PPARD: variants seen among roughly 807,000 people sequenced by gnomAD.
PPARD encodes peroxisome proliferator activated receptor delta.
In PPARD, 6 loss-of-function variants were observed where a neutral mutation model predicts 39.5. The observed-to-expected ratio is 0.15, with a 90% CI of 0.08 to 0.30. The LOEUF (loss-of-function observed/expected upper bound fraction) is 0.30. PPARD is among the 10% of genes least tolerant of loss of function. The probability of loss-of-function intolerance (pLI) is 1.00; values close to 1 mark genes in which losing one functional copy is unlikely to be tolerated. For synonymous variants in PPARD, 210 were observed against 231.3 expected (o/e 0.91, Z 0.83); for missense variants, 397 against 596.8 (o/e 0.67, Z 3.49).
intron 2 of PPARD, among the ~76,000 whole-genome samples, chr6:35,408,987 G>T (rs1380966016): frequency 6.6e-6 from 1 of 152,060 alleles, no homozygotes; most frequent in Non-Finnish European, 1.5e-5. Context: ...CATTCATTTA[G>T]TTGTGTCTCT....
intron 2 of PPARD, among the ~76,000 whole-genome samples, chr6:35,379,343 C>T (rs1448195319): frequency 6.6e-6 from 1 of 152,152 alleles, no homozygotes; most frequent in East Asian, 1.9e-4. Flanking sequence ...ACCTTGTGGT[C>T]TGCCCACCTT....
intron 5 of PPARD, among the ~76,000 whole-genome samples, chr6:35,423,540 AAAAAAGAAAAG>A (rs1403063860): frequency 6.6e-6 from 1 of 152,008 alleles, no homozygotes; most frequent in Non-Finnish European, 1.5e-5. Context: ...CTCAAAAAAA[AAAAAAGAAAAG>A]AAAAAGAAAA....
At chr6:35,356,647 A>G (rs1761629821) in intron 2 of PPARD, among the ~76,000 whole-genome samples, 1 of 152,176 alleles carries the variant, frequency 6.6e-6, no homozygotes, top group Non-Finnish European at 1.5e-5. Flanking sequence ...GTTGAGCAGC[A>G]TCCCTGGCTT....
At chr6:35,370,436 C>T (rs1762425005) in intron 2 of PPARD, among the ~76,000 whole-genome samples, 1 of 152,096 alleles carries the variant, frequency 6.6e-6, no homozygotes, top group Non-Finnish European at 1.5e-5. Flanking sequence ...CTTTTGAAGT[C>T]GTCAGGAGAG....
At chr6:35,387,169 G>T (rs951748348) in intron 2 of PPARD, among the ~76,000 whole-genome samples, 1 of 152,030 alleles carries the variant, frequency 6.6e-6, no homozygotes, top group Admixed American at 6.6e-5. Context: ...TGCATCAGTT[G>T]TTGCTCTTTA....
chr6:35,372,654 G>A (rs1762568800), intron 2 of PPARD, among the ~76,000 whole-genome samples: 1 of 152,240 alleles, frequency 6.6e-6, no homozygotes, highest in South Asian at 2.1e-4. Flanking sequence ...GCTGGGCATG[G>A]TGAGGGCTAA....
intron 2 of PPARD, among the ~76,000 whole-genome samples, chr6:35,364,571 T>G (rs1047766372): frequency 6.6e-6 from 1 of 151,478 alleles, no homozygotes; most frequent in Non-Finnish European, 1.5e-5. Context: ...GTAGCTGGGA[T>G]TACAGGTGCA....
chr6:35,392,572 G>A (rs760163028), intron 2 of PPARD, among the ~76,000 whole-genome samples: 31 of 152,088 alleles, frequency 2.0e-4, no homozygotes, highest in Non-Finnish European at 4.0e-4. Flanking sequence ...TGGGTTCCTC[G>A]GGGGAGAGAG....
intron 2 of PPARD, among the ~76,000 whole-genome samples, chr6:35,389,008 T>C (rs897496182): frequency 2.0e-5 from 3 of 152,164 alleles, no homozygotes; most frequent in Admixed American, 6.5e-5. Context: ...CTGATGGTGA[T>C]AGAGGTCAGA....
chr6:35,403,835 A>G (rs1472545770), intron 2 of PPARD, among the ~76,000 whole-genome samples: 3 of 152,148 alleles, frequency 2.0e-5, no homozygotes, highest in Non-Finnish European at 4.4e-5. Flanking sequence ...AGTGGAGGGG[A>G]TGGCATTCAA....
chr6:35,346,816 C>T (rs1330015751), intron 1 of PPARD, among the ~76,000 whole-genome samples: 1 of 152,228 alleles, frequency 6.6e-6, no homozygotes, highest in Admixed American at 6.5e-5. Flanking sequence ...GCGCCTTCTG[C>T]GCCGACCTGA....
intron 2 of PPARD, among the ~76,000 whole-genome samples, chr6:35,391,383 A>G (rs1464814769): frequency 6.6e-6 from 1 of 152,210 alleles, no homozygotes; most frequent in Non-Finnish European, 1.5e-5. Flanking sequence ...TAGATTGTCC[A>G]CATTCCATAT....
At chr6:35,400,019 G>A (rs1487815923) in intron 2 of PPARD, among the ~76,000 whole-genome samples, 3 of 152,174 alleles carry the variant, frequency 2.0e-5, no homozygotes, top group East Asian at 1.9e-4. Flanking sequence ...GAACGTGAAC[G>A]CTTTTAGGTG....
chr6:35,353,627 T>A (rs901250897), intron 2 of PPARD, among the ~76,000 whole-genome samples: 13 of 152,296 alleles, frequency 8.5e-5, no homozygotes, highest in South Asian at 4.1e-4. Context: ...GTTTCAGTAT[T>A]ATAGAAGCAA....
intron 2 of PPARD, among the ~76,000 whole-genome samples, chr6:35,353,896 C>A (rs1472562834): frequency 1.3e-5 from 2 of 152,112 alleles, no homozygotes; most frequent in Non-Finnish European, 2.9e-5. Context: ...TTCTTTAATA[C>A]AGACAGTCCC....
At chr6:35,368,512 TC>T (rs1279882029) in intron 2 of PPARD, among the ~76,000 whole-genome samples, 1 of 152,198 alleles carries the variant, frequency 6.6e-6, no homozygotes, top group Non-Finnish European at 1.5e-5. Context: ...GAATTAGAAT[TC>T]CCAGGGATGG....
chr6:35,364,032 T>C (rs1483067141), intron 2 of PPARD, among the ~76,000 whole-genome samples: 2 of 152,062 alleles, frequency 1.3e-5, no homozygotes, highest in Non-Finnish European at 2.9e-5. Context: ...TCCAGGACAC[T>C]TCTATCACCT....
At chr6:35,374,308 T>TGCGGGG (rs1554205487) in intron 2 of PPARD, among the ~76,000 whole-genome samples, 3 of 126,120 alleles carry the variant, frequency 2.4e-5, no homozygotes, top group African/African-American at 1.3e-4. Flanking sequence ...TTCTCGGCGG[T>TGCGGGG]GGGGCGGGGG....
intron 4 of PPARD, among the ~76,000 whole-genome samples, chr6:35,420,777 T>G (rs571703457): frequency 6.6e-6 from 1 of 150,380 alleles, no homozygotes; most frequent in South Asian, 2.1e-4. Flanking sequence ...AGAAATCAAG[T>G]TAGCCGTGAG....
Sources: gnomAD v4.1 joint callset for allele counts (sites outside exome capture counted in the v4.1 genomes callset) on GRCh38, gnomAD v4.1.1 for gene constraint, MANE v1.5 for transcripts, NCBI Gene and HGNC (gene_info 2026-07-23, HGNC 2026-07-21) for gene names.